AK8: variants seen among roughly 807,000 people sequenced by gnomAD.
AK8 encodes ATP-AMP transphosphorylase 8.
AK8 carries 44 observed loss-of-function variants against 54.6 expected under a neutral mutation model. The ratio of observed to expected loss-of-function variants is 0.81; its 90% CI spans 0.63 to 1.04. The LOEUF is 1.04. Ranked by LOEUF, AK8 falls within the 50% of genes least tolerant of loss-of-function variation. The pLI, the probability that AK8 is intolerant of heterozygous loss-of-function variation, is 0.00. For missense variants in AK8, 555 were observed against 613.6 expected (o/e 0.90, Z 1.01); for synonymous variants, 239 against 245.6 (o/e 0.97, Z 0.25).
intron 12 of AK8, 117 bp downstream of exon 12, chr9:132,727,337 T>C (rs1564368141): frequency 2.2e-6 from 2 of 918,234 alleles, no homozygotes; most frequent in Admixed American, 2.0e-5. Context: ...TTGATAATCG[T>C]CCTTCAGTGG....
At chr9:132,831,978 C>T (rs564681293) in intron 5 of AK8, among the ~76,000 whole-genome samples, 4 of 150,480 alleles carry the variant, frequency 2.7e-5, no homozygotes, top group Non-Finnish European at 5.9e-5. Context: ...AGAAAGATCC[C>T]CTTAGCCCAG....
At chr9:132,856,335 G>C (rs896564944) in intron 4 of AK8, among the ~76,000 whole-genome samples, 5 of 152,202 alleles carry the variant, frequency 3.3e-5, no homozygotes, top group Admixed American at 3.3e-4. Context: ...TGCTCCTGGC[G>C]GCTGCGATAC....
rs572721562 is a variant in AK8 at position 132,749,462 on chromosome 9, C to T, written c.1122-21928G>A. Among the ~76,000 whole-genome samples the T allele has an allele frequency of 3.6e-4, 55 of 151,988 alleles. 1 individual carries two copies. The highest frequency in any genetic ancestry group is 1.3e-3 in the African/African-American group (54 of 41,520). On this transcript the variant is annotated intron_variant, in intron 11 of 12. Transcript: ENST00000298545. The stretch of plus-strand genomic sequence containing the variant: ...GCTGGCTCTTCAGGTGCCCCGTGCC[C>T]GGCACTCTGTGAGGATGCACAGGAT...
intron 5 of AK8, among the ~76,000 whole-genome samples, chr9:132,843,715 A>G (rs931410616): frequency 2.6e-5 from 4 of 152,122 alleles, no homozygotes; most frequent in Admixed American, 6.6e-5. Flanking sequence ...ATGTTTCTCT[A>G]TGTTTAAAGT....
intron 11 of AK8, among the ~76,000 whole-genome samples, chr9:132,761,821 TC>T (rs1308486111): frequency 1.3e-5 from 2 of 151,272 alleles, no homozygotes; most frequent in African/African-American, 4.9e-5. Flanking sequence ...CTTCTCTCTC[TC>T]TCCCTCTCTC....
At chr9:132,777,852 G>C (rs73546960) in intron 11 of AK8, among the ~76,000 whole-genome samples, 2,967 of 152,282 alleles carry the variant, frequency 0.019, 90 homozygotes, top group African/African-American at 0.065. Context: ...CAAGGCTGTG[G>C]GTCCCACCCC....
chr9:132,819,184 C>T (rs1039439117), intron 9 of AK8, among the ~76,000 whole-genome samples: 2 of 152,198 alleles, frequency 1.3e-5, no homozygotes, highest in African/African-American at 2.4e-5. Flanking sequence ...GTAAAAATTA[C>T]GTCTGCACTG....
intron 4 of AK8, among the ~76,000 whole-genome samples, chr9:132,861,807 C>T (rs903899754): frequency 6.6e-6 from 1 of 152,316 alleles, no homozygotes; most frequent in South Asian, 2.1e-4. Context: ...GACAAGGCCA[C>T]GCATGGCCGA....
At chr9:132,827,181 C>A in intron 7 of AK8, 127 bp from the exon 8 acceptor site, 5 of 857,770 alleles carry the variant, frequency 5.8e-6, no homozygotes, top group Non-Finnish European at 9.4e-6. Flanking sequence ...TGGCTGACCA[C>A]GGCAGGACAC....
At chr9:132,779,598 G>A (rs898301302) in intron 11 of AK8, among the ~76,000 whole-genome samples, 1 of 152,230 alleles carries the variant, frequency 6.6e-6, no homozygotes, top group Non-Finnish European at 1.5e-5. Flanking sequence ...TGCAGAGCAG[G>A]TCATAGCCAT....
intron 9 of AK8, among the ~76,000 whole-genome samples, chr9:132,815,823 G>A (rs1401851642): frequency 1.3e-5 from 2 of 152,216 alleles, no homozygotes; most frequent in South Asian, 2.1e-4. Flanking sequence ...ATTGTTCACT[G>A]CACGCTTTTG....
At chr9:132,875,742 C>T (rs1315758296) in intron 1 of AK8, among the ~76,000 whole-genome samples, 2 of 152,220 alleles carry the variant, frequency 1.3e-5, no homozygotes, top group East Asian at 1.9e-4. Context: ...GGCCACCATC[C>T]CCCCGGCAGG....
At chr9:132,743,620 T>A (rs1590182667) in intron 11 of AK8, among the ~76,000 whole-genome samples, 1 of 152,360 alleles carries the variant, frequency 6.6e-6, no homozygotes, top group East Asian at 1.9e-4. Flanking sequence ...AGCTTTTCCA[T>A]GAATCCCTCT....
chr9:132,872,760 A>G (rs1254591207), intron 2 of AK8, among the ~76,000 whole-genome samples: 4 of 152,128 alleles, frequency 2.6e-5, no homozygotes, highest in African/African-American at 7.2e-5. Flanking sequence ...CAGCCTCCTG[A>G]GTAGCTTGGA....
chr9:132,802,766 C>T (rs1840527052), intron 10 of AK8, among the ~76,000 whole-genome samples: 1 of 152,214 alleles, frequency 6.6e-6, no homozygotes, highest in African/African-American at 2.4e-5. Context: ...TTAGGCAGTT[C>T]AAGGCATCCC....
intron 9 of AK8, among the ~76,000 whole-genome samples, chr9:132,819,727 A>C (rs1250476689): frequency 6.6e-6 from 1 of 151,922 alleles, no homozygotes; most frequent in Non-Finnish European, 1.5e-5. Flanking sequence ...TATTTTTTTA[A>C]GTACACTTGG....
intron 11 of AK8, among the ~76,000 whole-genome samples, chr9:132,776,645 G>A (rs1252056780): frequency 6.6e-6 from 1 of 152,222 alleles, no homozygotes; most frequent in Admixed American, 6.5e-5. Context: ...CTGGAGGATG[G>A]AGGACCTTTG....
At position 132,875,173 on chromosome 9, in the gene AK8, G is replaced by A. The variant is rs765615166; in HGVS notation, c.111C>T (p.His37=). Reference sequence around the variant, plus strand: ...TGAAGGGGATGGGATCTTCGGGCTGGTGGATCAGGAGTTGCTCCAGCATGT... The same window carrying A: ...TGAAGGGGATGGGATCTTCGGGCTGATGGATCAGGAGTTGCTCCAGCATGT... ...MQNMLEQLLI[H]QPEDPIPFMI... Residue 37 remains histidine (H), a synonymous_variant, in exon 2 of 13, where the codon CAC becomes CAT. Transcript: ENST00000298545. The A allele has an allele frequency of 3.7e-5, 59 of 1,614,056 alleles. No homozygotes were observed. The highest frequency in any genetic ancestry group is 5.0e-5 in the Admixed American group (3 of 60,006).
At chr9:132,829,202 C>T (rs1842007104) in intron 5 of AK8, among the ~76,000 whole-genome samples, 1 of 152,154 alleles carries the variant, frequency 6.6e-6, no homozygotes, top group South Asian at 2.1e-4. Context: ...AGGTGATCTG[C>T]CCACCTTGGC....
Sources: gnomAD v4.1 joint callset for allele counts (sites outside exome capture counted in the v4.1 genomes callset) on GRCh38, gnomAD v4.1.1 for gene constraint, MANE v1.5 for transcripts, NCBI Gene and HGNC (gene_info 2026-07-23, HGNC 2026-07-21) for gene names.